SMARCA1: variants seen among roughly 807,000 people sequenced by gnomAD.
SMARCA1 encodes the protein SWI/SNF-related matrix-associated actin-dependent regulator of chromatin subfamily A member 1.
SMARCA1 carries 17 observed loss-of-function variants against 93.6 expected under a neutral mutation model. That is an observed-to-expected ratio of 0.18 (90% CI 0.12 to 0.27). SMARCA1 has a LOEUF of 0.27. SMARCA1 is among the 10% of genes least tolerant of loss of function. SMARCA1 has a pLI of 1.00. For synonymous variants in SMARCA1, 271 were observed against 271.4 expected (o/e 1.00, Z 0.01); for missense variants, 630 against 819.0 (o/e 0.77, Z 2.82).
At chrX:129,477,081 C>T (rs1933419102) in intron 19 of SMARCA1, among the ~76,000 whole-genome samples, 2 of 111,463 alleles carry the variant, frequency 1.8e-5, no homozygotes, top group Admixed American at 9.6e-5. Context: ...ATCTAGGATA[C>T]GGCTGAAGAG....
chrX:129,469,744 G>T (rs967865689), intron 20 of SMARCA1, among the ~76,000 whole-genome samples: 23 of 112,075 alleles, frequency 2.1e-4, no homozygotes, highest in African/African-American at 7.1e-4. Context: ...AGGAGAAGCA[G>T]AAAACTGATT....
chrX:129,470,442 G>A (rs1933064795), intron 20 of SMARCA1, among the ~76,000 whole-genome samples: 1 of 110,550 alleles, frequency 9.0e-6, no homozygotes. Flanking sequence ...ATCATTGTAT[G>A]AAAATTATAA....
At chrX:129,513,328 C>G (rs926353605) in intron 5 of SMARCA1, among the ~76,000 whole-genome samples, 8 of 108,734 alleles carry the variant, frequency 7.4e-5, no homozygotes, top group African/African-American at 2.7e-4. Flanking sequence ...AGTTTGAGAA[C>G]AGCCTGACCA....
intron 23 of SMARCA1, among the ~76,000 whole-genome samples, chrX:129,452,770 C>T (rs898140766): frequency 8.9e-6 from 1 of 111,971 alleles, no homozygotes; most frequent in Non-Finnish European, 1.9e-5. Context: ...AGGCGTATCT[C>T]GTTTTACTGC....
In SMARCA1 at chrX:129,499,770, T is replaced by G; in HGVS notation, c.1239A>C (p.Ile413=). 1 of 1,184,004 alleles carries G rather than the reference T, an allele frequency of 8.4e-7. No homozygotes were observed. Among genetic ancestry groups the G allele is most frequent in the Non-Finnish European group, 1.1e-6 (1 of 872,672 alleles). The change falls in exon 10 of 25, where the codon ATA becomes ATC. Residue 413 remains isoleucine (I), a synonymous_variant. Transcript: ENST00000371121. ...TCTTACTCAGCCCCAAGTAAATCTT[T>G]ATTTCCTTTTTAGGTGGCAGACTCT... The part of the protein sequence containing the change: ...VEKSLPPKKE[I]KIYLGLSKMQ...
At chrX:129,489,882 T>C (rs776037208) in intron 15 of SMARCA1, among the ~76,000 whole-genome samples, 178 bp downstream of exon 15, 1 of 112,279 alleles carries the variant, frequency 8.9e-6, no homozygotes, top group Non-Finnish European at 1.9e-5. Context: ...TTAAATTTTT[T>C]CCTTTTATTT....
chrX:129,508,192 A>C, intron 6 of SMARCA1, 96 bp from the exon 7 acceptor site: 1 of 540,148 alleles, frequency 1.9e-6, no homozygotes, highest in Non-Finnish European at 2.7e-6. Context: ...AATATTAAGA[A>C]TTCTAAGAGA....
intron 1 of SMARCA1, among the ~76,000 whole-genome samples, chrX:129,520,504 T>G (rs1843435782): frequency 9.0e-6 from 1 of 111,242 alleles, no homozygotes; most frequent in Admixed American, 9.6e-5. Flanking sequence ...ACCTATTTTC[T>G]TTTTATTTGG....
chrX:129,507,142 G>C (rs1373878256), intron 7 of SMARCA1, among the ~76,000 whole-genome samples: 1 of 111,578 alleles, frequency 9.0e-6, no homozygotes, highest in Admixed American at 9.6e-5. Flanking sequence ...TGGTGGTTTT[G>C]CTCCAGTTCT....
At chrX:129,492,507 C>A (rs1178123802) in intron 13 of SMARCA1, among the ~76,000 whole-genome samples, 1 of 110,968 alleles carries the variant, frequency 9.0e-6, no homozygotes, top group Non-Finnish European at 1.9e-5. Flanking sequence ...AACTTCATTT[C>A]CATTAGCTTA....
intron 14 of SMARCA1, among the ~76,000 whole-genome samples, chrX:129,490,806 A>T (rs1185943150): frequency 9.0e-6 from 1 of 111,067 alleles, no homozygotes; most frequent in Non-Finnish European, 1.9e-5. Context: ...GAGAAAAAAA[A>T]AATGTAAGTT....
chrX:129,495,028 G>T (rs1934268148), intron 12 of SMARCA1, among the ~76,000 whole-genome samples: 1 of 112,402 alleles, frequency 8.9e-6, no homozygotes, highest in Non-Finnish European at 1.9e-5. Context: ...CCCCATGTCT[G>T]TATGAGTTTT....
chrX:129,518,244 A>G (rs1261485055), intron 2 of SMARCA1, 117 bp downstream of exon 2: 18 of 368,813 alleles, frequency 4.9e-5, no homozygotes, highest in Non-Finnish European at 8.0e-5. Context: ...TTATTTTCCA[A>G]TTCTAAAATC....
chrX:129,486,352 G>T (rs892779146), intron 17 of SMARCA1, among the ~76,000 whole-genome samples: 3 of 110,798 alleles, frequency 2.7e-5, no homozygotes, highest in African/African-American at 6.6e-5. Flanking sequence ...CTATAGGTTA[G>T]CTCTGTACTA....
intron 23 of SMARCA1, 137 bp from the exon 24 acceptor site, chrX:129,448,580 G>T: frequency 3.8e-6 from 2 of 532,509 alleles, no homozygotes; most frequent in South Asian, 3.0e-5. Flanking sequence ...TTCACACAGG[G>T]TATTAATAGA....
At chrX:129,489,916 C>A in intron 15 of SMARCA1, 144 bp downstream of exon 15, 1 of 406,085 alleles carries the variant, frequency 2.5e-6, no homozygotes, top group East Asian at 4.1e-5. Flanking sequence ...AACAATTGTA[C>A]AGACTCATGG....
At position 129,508,779 on chromosome X, in the gene SMARCA1, T is replaced by C. The variant is rs184774550; in HGVS notation, c.811-683A>G. Among the ~76,000 whole-genome samples the C allele has an allele frequency of 1.2e-4, 13 of 112,637 alleles. No homozygotes were observed. In the East Asian group the frequency reaches 3.3e-3, roughly 29 times the overall value. On this transcript the variant is annotated intron_variant, in intron 6 of 24. Coordinates refer to ENST00000371121, the MANE Select transcript of SMARCA1 (RefSeq NM_001282874.2). ...GGCAGTGGCCAACATGGTAGGTAAG[T>C]TGACTGAGAGCATTTTTAACTTGTA...
At chrX:129,518,998 TTAATA>T (rs777051428) in intron 1 of SMARCA1, among the ~76,000 whole-genome samples, 32 of 112,073 alleles carry the variant, frequency 2.9e-4, no homozygotes, top group Admixed American at 7.6e-4. Context: ...TCACATATAC[TTAATA>T]TAATAGTACA....
chrX:129,473,806 T>C (rs1933250291), intron 19 of SMARCA1, among the ~76,000 whole-genome samples: 1 of 112,050 alleles, frequency 8.9e-6, no homozygotes, highest in Non-Finnish European at 1.9e-5. Context: ...GAGGAGTGCA[T>C]ATGGTCACTG....
Sources: allele counts gnomAD v4.1 joint callset (sites outside exome capture counted in the v4.1 genomes callset), GRCh38; gene constraint gnomAD v4.1.1; transcripts MANE v1.5; gene names NCBI Gene and HGNC (gene_info 2026-07-23, HGNC 2026-07-21).